Variants in HSPA4 observed in about 807,000 individuals in gnomAD.
HSPA4 encodes heat shock 70 kDa protein 4.
A neutral mutation model predicts 106.2 loss-of-function variants in HSPA4; 25 were observed. The ratio of observed to expected loss-of-function variants is 0.24; its 90% CI spans 0.17 to 0.33. The LOEUF (loss-of-function observed/expected upper bound fraction) is 0.33. HSPA4 is among the 10% of genes least tolerant of loss of function. HSPA4 has a pLI of 1.00. For missense variants in HSPA4, 841 were observed against 996.0 expected, an observed-to-expected ratio of 0.84 and a Z score of 2.10; for synonymous variants, 332 against 333.6, an observed-to-expected ratio of 1.00 and a Z score of 0.05.
At chr5:133,099,807 T>G (rs1455126557) in intron 16 of HSPA4, among the ~76,000 whole-genome samples, 155 bp downstream of exon 16, 2 of 152,212 alleles carry the variant, frequency 1.3e-5, no homozygotes, top group African/African-American at 4.8e-5. Context: ...ATTATCATTC[T>G]CACTTTTAGA....
intron 6 of HSPA4, among the ~76,000 whole-genome samples, chr5:133,074,363 C>T (rs752657171): frequency 2.0e-5 from 3 of 151,804 alleles, no homozygotes; most frequent in Non-Finnish European, 4.4e-5. Flanking sequence ...ACCGCAACCT[C>T]CACCTCCCAG....
chr5:133,056,064 G>A (rs925810816), intron 1 of HSPA4, among the ~76,000 whole-genome samples: 4 of 152,120 alleles, frequency 2.6e-5, no homozygotes, highest in African/African-American at 9.7e-5. Flanking sequence ...GTGACAGAGC[G>A]AGACTCTGTC....
Position 133,101,921 on chromosome 5 carries a change from CTTTTTTTTTTTT to C in HSPA4, c.2157+55_2157+66del, listed in dbSNP as rs60177569. 7.4e-3 allele frequency: 5,321 copies of C among 719,830 alleles called. 156 individuals are homozygous for C. The African/African-American group carries it at 0.11, about 14-fold the overall frequency. The allele number at this position is 719,830 out of a possible 1,614,324, so 44.6% of individuals were successfully genotyped here. A position where few individuals can be genotyped will look rare whatever the true frequency, so the allele number is the denominator to read the frequency against. ...CCTACTCTTATTTTAGTAAAGTTAACTTTTTTTTTTTTTTTTTTTTTTTGAGACGGAGTCTTG... is the reference window on the plus strand; with the variant it reads ...CCTACTCTTATTTTAGTAAAGTTAACTTTTTTTTTTTGAGACGGAGTCTTG... On this transcript the variant is annotated intron_variant, in intron 17 of 18. Transcript: ENST00000304858.
intron 1 of HSPA4, among the ~76,000 whole-genome samples, chr5:133,053,823 C>T (rs1021927174): frequency 6.6e-6 from 1 of 151,748 alleles, no homozygotes; most frequent in African/African-American, 2.4e-5. Flanking sequence ...CCATGCCCGG[C>T]TAAATTTTGT....
chr5:133,063,757 C>T (rs1014320385), intron 1 of HSPA4, among the ~76,000 whole-genome samples: 2 of 149,366 alleles, frequency 1.3e-5, no homozygotes, highest in African/African-American at 4.9e-5. Flanking sequence ...CTTATTAATG[C>T]CCTTTTTTGT....
intron 5 of HSPA4, among the ~76,000 whole-genome samples, 159 bp downstream of exon 5, chr5:133,073,488 G>A (rs1765410436): frequency 1.3e-5 from 2 of 152,216 alleles, no homozygotes; most frequent in African/African-American, 2.4e-5. Flanking sequence ...CACTTGTGAA[G>A]AATTAATCTG....
chr5:133,087,867 G>A (rs376364573), intron 8 of HSPA4, among the ~76,000 whole-genome samples: 40 of 152,080 alleles, frequency 2.6e-4, no homozygotes, highest in African/African-American at 8.5e-4. Context: ...CAGGTGATCC[G>A]CCCACTTCGG....
At chr5:133,073,922 CT>C (rs907868320) in intron 5 of HSPA4, 70 bp from the exon 6 acceptor site, 2 of 1,157,572 alleles carry the variant, frequency 1.7e-6, no homozygotes, top group Non-Finnish European at 2.4e-6. Flanking sequence ...TATAAAACCT[CT>C]TTTTTCCTGC....
chr5:133,074,190 C>G (rs1765419535), intron 6 of HSPA4, 64 bp downstream of exon 6: 5 of 1,131,748 alleles, frequency 4.4e-6, no homozygotes, highest in Admixed American at 4.8e-5. Context: ...TTTTGAGAGA[C>G]AATGATTTTT....
At chr5:133,058,229 A>G (rs1196179978) in intron 1 of HSPA4, among the ~76,000 whole-genome samples, 1 of 152,080 alleles carries the variant, frequency 6.6e-6, no homozygotes, top group East Asian at 1.9e-4. Flanking sequence ...CTGTCTCTAT[A>G]AAAAATTTAA....
chr5:133,091,105 T>C (rs781219595), intron 11 of HSPA4, 88 bp from the exon 12 acceptor site: 1 of 1,089,762 alleles, frequency 9.2e-7, no homozygotes, highest in South Asian at 1.2e-5. Context: ...TCATTGAAAG[T>C]AGACATAATC....
chr5:133,082,034 A>G lies in HSPA4; in HGVS notation c.909-4748A>G, dbSNP rs140810836. 3.0e-3 allele frequency among the ~76,000 whole-genome samples: 450 copies of G among 152,368 alleles called. 4 individuals carry two copies. Among genetic ancestry groups the G allele is most frequent in the African/African-American group, 9.6e-3 (401 of 41,590 alleles). ...GTGGAAACAACCCAAATGTTCATCA[A>G]CTGATGAAGTGGGTAAATAAAACAT... On this transcript the variant is annotated intron_variant, in intron 7 of 18. Coordinates refer to ENST00000304858, the MANE Select transcript of HSPA4 (RefSeq NM_002154.4).
At chr5:133,081,054 T>C (rs1360113434) in intron 7 of HSPA4, among the ~76,000 whole-genome samples, 1 of 152,070 alleles carries the variant, frequency 6.6e-6, no homozygotes, top group Admixed American at 6.6e-5. Flanking sequence ...ATTTGCCTGT[T>C]CTTTTTTTTT....
chr5:133,067,461 C>T lies in HSPA4; in HGVS notation c.210C>T (p.Phe70=). ...ACACAGTCCAAGGATTTAAAAGATT[C>T]CATGGCCGAGCATTCTCTGATCCAT... ...AKNTVQGFKR[F]HGRAFSDPFV... is the part of the protein sequence containing the mutation. The change falls in exon 3 of 19, where the codon TTC becomes TTT. Residue 70 remains phenylalanine, a synonymous_variant. Coordinates refer to ENST00000304858, the MANE Select transcript of HSPA4 (RefSeq NM_002154.4). The T allele has an allele frequency of 6.2e-7, 1 of 1,613,562 alleles. No individual in the cohort carries two copies. The highest frequency in any genetic ancestry group is 8.5e-7 in the Non-Finnish European group (1 of 1,179,482).
intron 3 of HSPA4, among the ~76,000 whole-genome samples, chr5:133,068,180 C>T (rs1765335722): frequency 6.6e-6 from 1 of 152,154 alleles, no homozygotes; most frequent in South Asian, 2.1e-4. Flanking sequence ...GCGTGAGCCA[C>T]CGCACCTGGT....
chr5:133,086,820 G>T lies in HSPA4; in HGVS notation c.947G>T (p.Arg316Ile), dbSNP rs766550003. ...GAGATGTGCAATGATCTCTTAGCTA[G>T]AGTGGAGCCACCACTTCGTAGTGTT... ...FLEMCNDLLA[R>I]VEPPLRSVLE... Residue 316 changes from arginine to isoleucine, a missense_variant, in exon 8 of 19, where the codon AGA becomes ATA. Transcript: ENST00000304858. 2.8e-5 allele frequency: 45 copies of T among 1,613,854 alleles called. No homozygotes were observed. Among genetic ancestry groups the T allele is most frequent in the Non-Finnish European group, 3.6e-5 (43 of 1,179,846 alleles).
chr5:133,082,955 T>C (rs1474094848), intron 7 of HSPA4, among the ~76,000 whole-genome samples: 1 of 151,414 alleles, frequency 6.6e-6, no homozygotes, highest in Non-Finnish European at 1.5e-5. Flanking sequence ...GCCAATATGG[T>C]GAAACCCCAT....
At chr5:133,097,878 CT>C (rs1765734286) in intron 15 of HSPA4, among the ~76,000 whole-genome samples, 1 of 150,360 alleles carries the variant, frequency 6.7e-6, no homozygotes, top group African/African-American at 2.4e-5. Context: ...TTAAAGCTCA[CT>C]TTTTCCTGTT....
chr5:133,070,532 A>G (rs1765368003), intron 4 of HSPA4, 36 bp downstream of exon 4: 2 of 1,609,102 alleles, frequency 1.2e-6, no homozygotes, highest in Non-Finnish European at 1.7e-6. Context: ...GGGAATTTGC[A>G]TGAAGAAGCA....
Sources: gnomAD v4.1 joint callset for allele counts (sites outside exome capture counted in the v4.1 genomes callset) on GRCh38, gnomAD v4.1.1 for gene constraint, MANE v1.5 for transcripts, NCBI Gene and HGNC (gene_info 2026-07-23, HGNC 2026-07-21) for gene names.